The following TRIO variants were observed in gnomAD, a reference collection of about 807,000 sequenced individuals.
TRIO encodes the protein triple functional domain protein.
In TRIO, 58 loss-of-function variants were observed where a neutral mutation model predicts 351.9. The observed-to-expected ratio is 0.16, with a 90% confidence interval of 0.13 to 0.21. The LOEUF (loss-of-function observed/expected upper bound fraction) is 0.21. Among genes scored for constraint, TRIO ranks in the 10% least tolerant of loss-of-function variants. The pLI is 1.00. For synonymous variants in TRIO, 1,758 were observed against 1,595.7 expected, an observed-to-expected ratio of 1.10 and a Z score of -2.42; for missense variants, 3,201 against 4,027.8, an observed-to-expected ratio of 0.79 and a Z score of 5.56.
At chr5:14,314,087 A>G (rs570156422) in intron 8 of TRIO, among the ~76,000 whole-genome samples, 90 of 152,328 alleles carry the variant, frequency 5.9e-4, no homozygotes, top group Non-Finnish European at 9.6e-4. Flanking sequence ...TTTGTAAGGA[A>G]TTCTTTTTAG....
intron 1 of TRIO, among the ~76,000 whole-genome samples, chr5:14,154,835 C>T (rs1230549675): frequency 6.6e-6 from 1 of 152,140 alleles, no homozygotes; most frequent in African/African-American, 2.4e-5. Context: ...AAACATTTAC[C>T]AGTCACTTCC....
intron 12 of TRIO, among the ~76,000 whole-genome samples, chr5:14,359,058 A>G (rs1169370776): frequency 6.6e-6 from 1 of 152,202 alleles, no homozygotes; most frequent in Non-Finnish European, 1.5e-5. Flanking sequence ...TTTTTTACTT[A>G]AGAAGAAAAG....
chr5:14,416,133 C>A (rs753979545), intron 33 of TRIO, among the ~76,000 whole-genome samples: 1 of 149,606 alleles, frequency 6.7e-6, no homozygotes, highest in African/African-American at 2.5e-5. Context: ...ACTCTTTCAA[C>A]TGAGGGTAGA....
intron 10 of TRIO, among the ~76,000 whole-genome samples, chr5:14,335,770 G>A (rs924121297): frequency 9.2e-5 from 14 of 152,062 alleles, no homozygotes; most frequent in Non-Finnish European, 1.8e-4. Flanking sequence ...TTCGAGACCA[G>A]CCTGGGCAAC....
intron 2 of TRIO, 29 bp from the exon 3 acceptor site, chr5:14,280,293 T>C (rs1735887574): frequency 6.3e-7 from 1 of 1,586,128 alleles, no homozygotes; most frequent in Admixed American, 1.7e-5. Context: ...ATCTTGTGTC[T>C]AAGTGTATTC....
chr5:14,189,926 TGTCCAGGCAG>T (rs1257145653), intron 1 of TRIO, among the ~76,000 whole-genome samples: 1 of 152,106 alleles, frequency 6.6e-6, no homozygotes, highest in Non-Finnish European at 1.5e-5. Context: ...CTTGCTGTGT[TGTCCAGGCAG>T]GTCTCAAACT....
intron 8 of TRIO, among the ~76,000 whole-genome samples, chr5:14,306,784 T>G (rs1738411714): frequency 6.6e-6 from 1 of 152,222 alleles, no homozygotes; most frequent in Non-Finnish European, 1.5e-5. Context: ...CTTGTTGCTC[T>G]CGGCAGTTTT....
intron 20 of TRIO, among the ~76,000 whole-genome samples, chr5:14,380,756 A>G (rs1385838092): frequency 6.6e-6 from 1 of 152,178 alleles, no homozygotes; most frequent in Non-Finnish European, 1.5e-5. Context: ...TCTACTATAA[A>G]CTCATGCACA....
At chr5:14,280,493 G>A (rs547751659) in intron 3 of TRIO, 57 bp downstream of exon 3, 21 of 1,440,786 alleles carry the variant, frequency 1.5e-5, no homozygotes, top group Non-Finnish European at 1.8e-5. Context: ...GAGATGTGGC[G>A]CTATACTCGT....
Position 14,369,602 on chromosome 5 carries a change from C to T in TRIO, c.3216+79C>T, listed in dbSNP as rs538541027. ...GTGCGCGTGGCACAGTCATCGCTTC[C>T]CAAGGGAGCCTGCCCCACACCTCTT... On this transcript the variant is annotated intron_variant, in intron 18 of 56. Transcript: ENST00000344204. 59 of 1,480,956 alleles carry T rather than the reference C, an allele frequency of 4.0e-5. No homozygotes were observed. The South Asian group carries it at 7.9e-4, about 20-fold the overall frequency. The allele number at this position is 1,480,956 out of a possible 1,614,324, so 91.7% of individuals were successfully genotyped here.
intron 9 of TRIO, among the ~76,000 whole-genome samples, chr5:14,317,568 G>C (rs1179423077): frequency 6.6e-6 from 1 of 152,214 alleles, no homozygotes; most frequent in African/African-American, 2.4e-5. Context: ...GTGAAGGTGA[G>C]TGAGTTTTCT....
chr5:14,156,637 A>G (rs529806857), intron 1 of TRIO, among the ~76,000 whole-genome samples: 40 of 152,232 alleles, frequency 2.6e-4, no homozygotes, highest in African/African-American at 9.6e-4. Flanking sequence ...TATCCTCCGT[A>G]TCTTTACTTA....
chr5:14,200,171 T>C (rs1249498032), intron 1 of TRIO, among the ~76,000 whole-genome samples: 2 of 152,006 alleles, frequency 1.3e-5, no homozygotes, highest in Non-Finnish European at 2.9e-5. Context: ...TGGCTTACTG[T>C]GCCATTCAGC....
intron 1 of TRIO, among the ~76,000 whole-genome samples, chr5:14,180,168 T>C (rs1336135831): frequency 1.4e-5 from 2 of 147,888 alleles, no homozygotes; most frequent in South Asian, 2.2e-4. Flanking sequence ...CTATGCGTTA[T>C]ATTCCCTAGT....
intron 45 of TRIO, 50 bp from the exon 46 acceptor site, chr5:14,482,532 G>C (rs369772179): frequency 2.3e-6 from 3 of 1,328,888 alleles, no homozygotes; most frequent in Non-Finnish European, 3.0e-6. Flanking sequence ...TAACTTAGAA[G>C]GCAATGTTTT....
At chr5:14,421,191 A>AT (rs1579606023) in intron 34 of TRIO, among the ~76,000 whole-genome samples, 1 of 146,042 alleles carries the variant, frequency 6.8e-6, no homozygotes, top group East Asian at 2.0e-4. Context: ...AACTGTATCC[A>AT]TTTTTTTCTT....
At chr5:14,469,242 A>C (rs756728169) in intron 37 of TRIO, among the ~76,000 whole-genome samples, 8 of 152,226 alleles carry the variant, frequency 5.3e-5, no homozygotes, top group Non-Finnish European at 1.0e-4. Context: ...ATAAAACCAA[A>C]AATTTATTCT....
chr5:14,382,087 A>G (rs1324291237), intron 21 of TRIO, among the ~76,000 whole-genome samples: 1 of 152,208 alleles, frequency 6.6e-6, no homozygotes, highest in Non-Finnish European at 1.5e-5. Flanking sequence ...TCTATTGTTG[A>G]TGACAGATTT....
At chr5:14,358,106 C>T in intron 11 of TRIO, 72 bp from the exon 12 acceptor site, 4 of 1,525,798 alleles carry the variant, frequency 2.6e-6, no homozygotes, top group South Asian at 1.3e-5. Context: ...ACTGGGGCCC[C>T]TTGGACACCG....
Sources: allele counts gnomAD v4.1 joint callset (sites outside exome capture counted in the v4.1 genomes callset), GRCh38; gene constraint gnomAD v4.1.1; transcripts MANE v1.5; gene names NCBI Gene and HGNC (gene_info 2026-07-23, HGNC 2026-07-21).